Variants in SORCS1 observed in about 807,000 individuals in gnomAD.
SORCS1 encodes the protein VPS10 domain-containing receptor SorCS1.
Under a neutral mutation model 146.1 loss-of-function variants are expected in SORCS1, and 60 were observed. The ratio of observed to expected loss-of-function variants is 0.41; its 90% CI spans 0.33 to 0.51. The LOEUF is 0.51. Ranked by LOEUF, SORCS1 falls within the 20% of genes least tolerant of loss-of-function variation. SORCS1 has a pLI of 0.21. For synonymous variants in SORCS1, 637 were observed against 584.0 expected (o/e 1.09, Z -1.31); for missense variants, 1,352 against 1,487.6 (o/e 0.91, Z 1.50).
intron 1 of SORCS1, among the ~76,000 whole-genome samples, chr10:107,025,183 G>A (rs1958345298): frequency 1.3e-5 from 2 of 152,162 alleles, no homozygotes; most frequent in African/African-American, 4.8e-5. Context: ...AAAAAGTACT[G>A]AAAATGTTAA....
intron 5 of SORCS1, among the ~76,000 whole-genome samples, chr10:106,758,530 T>C (rs571516594): frequency 6.6e-6 from 1 of 152,322 alleles, no homozygotes; most frequent in South Asian, 2.1e-4. Flanking sequence ...CAACTCCATT[T>C]CCAGGATAAA....
At chr10:107,149,640 G>C (rs1257028981) in intron 1 of SORCS1, among the ~76,000 whole-genome samples, 4 of 152,210 alleles carry the variant, frequency 2.6e-5, no homozygotes, top group Non-Finnish European at 4.4e-5. Context: ...TTGATTGTGT[G>C]TGTTGGTTGG....
intron 4 of SORCS1, among the ~76,000 whole-genome samples, chr10:106,768,119 A>G (rs1237202722): frequency 6.6e-6 from 1 of 152,212 alleles, no homozygotes; most frequent in Non-Finnish European, 1.5e-5. Flanking sequence ...ATGGCATTTC[A>G]GCTTGAGAAT....
chr10:106,599,615 T>G (rs556650894), intron 23 of SORCS1, among the ~76,000 whole-genome samples: 2 of 151,886 alleles, frequency 1.3e-5, no homozygotes, highest in Admixed American at 1.3e-4. Context: ...AAAATATTTT[T>G]TATTCAAATA....
chr10:106,888,313 T>G (rs910088486), intron 2 of SORCS1, among the ~76,000 whole-genome samples: 1 of 152,194 alleles, frequency 6.6e-6, no homozygotes, highest in Non-Finnish European at 1.5e-5. Context: ...TGCTCAACAA[T>G]TGGAAGGTAT....
chr10:106,802,969 G>A (rs1007241019), intron 3 of SORCS1, among the ~76,000 whole-genome samples: 2 of 152,156 alleles, frequency 1.3e-5, no homozygotes, highest in Non-Finnish European at 2.9e-5. Context: ...TTAAAATGCT[G>A]GCTCAAGGCA....
chr10:106,900,693 G>A (rs1303478649), intron 2 of SORCS1, among the ~76,000 whole-genome samples: 3 of 152,062 alleles, frequency 2.0e-5, no homozygotes, highest in Non-Finnish European at 2.9e-5. Flanking sequence ...TTTATTTTCA[G>A]GGGTTGTCTT....
chr10:107,103,449 T>C (rs1289853870), intron 1 of SORCS1, among the ~76,000 whole-genome samples: 1 of 152,228 alleles, frequency 6.6e-6, no homozygotes, highest in Non-Finnish European at 1.5e-5. Context: ...AAAGCATGCC[T>C]CAGCTTTTCT....
At chr10:106,635,568 A>T (rs760080908) in intron 18 of SORCS1, among the ~76,000 whole-genome samples, 4 of 152,140 alleles carry the variant, frequency 2.6e-5, no homozygotes, top group Non-Finnish European at 5.9e-5. Flanking sequence ...GATTCAAAGA[A>T]AGGAGGAGTG....
upstream of SORCS1, among the ~76,000 whole-genome samples, chr10:107,165,322 T>TGTGTGTG (rs1970016923): frequency 6.6e-6 from 1 of 150,602 alleles, no homozygotes; most frequent in East Asian, 2.0e-4. This position sits in a 1 kb window ranked among gnomAD's most constrained non-coding sequence, Gnocchi z 4.0. Flanking sequence ...TGTGTGTGTG[T>TGTGTGTG]TAGTTTGGGG....
At chr10:107,104,585 A>G (rs1207131094) in intron 1 of SORCS1, among the ~76,000 whole-genome samples, 1 of 152,234 alleles carries the variant, frequency 6.6e-6, no homozygotes, top group Non-Finnish European at 1.5e-5. Flanking sequence ...AAAAGAAAAA[A>G]AAAGCATGTT....
intron 1 of SORCS1, among the ~76,000 whole-genome samples, chr10:107,090,422 T>C (rs979270623): frequency 6.6e-6 from 1 of 152,224 alleles, no homozygotes; most frequent in Non-Finnish European, 1.5e-5. Context: ...CAGAGGAGTT[T>C]GGACTTGTAA....
chr10:106,722,580 G>A (rs1041068719), intron 6 of SORCS1, among the ~76,000 whole-genome samples: 1 of 152,084 alleles, frequency 6.6e-6, no homozygotes, highest in Non-Finnish European at 1.5e-5. Context: ...GTTGTTCCCC[G>A]GTGAATGAGA....
At chr10:106,987,051 A>C (rs906098605) in intron 1 of SORCS1, among the ~76,000 whole-genome samples, 1 of 152,146 alleles carries the variant, frequency 6.6e-6, no homozygotes, top group African/African-American at 2.4e-5. Flanking sequence ...AACCTTACGG[A>C]TGATGTTGCA....
intron 1 of SORCS1, among the ~76,000 whole-genome samples, chr10:106,988,456 G>A (rs568544882): frequency 7.9e-5 from 12 of 152,256 alleles, no homozygotes; most frequent in East Asian, 5.8e-4. Flanking sequence ...TCAGTTGGAC[G>A]TCTTAGCGTC....
At chr10:106,788,192 C>A (rs1946147844) in intron 3 of SORCS1, among the ~76,000 whole-genome samples, 1 of 152,110 alleles carries the variant, frequency 6.6e-6, no homozygotes. Flanking sequence ...AGGGGAACCA[C>A]CCTCATGATC....
intron 2 of SORCS1, among the ~76,000 whole-genome samples, chr10:106,879,726 G>C (rs1950740331): frequency 6.6e-6 from 1 of 152,238 alleles, no homozygotes; most frequent in South Asian, 2.1e-4. Flanking sequence ...TGTGGGTGGT[G>C]TGAAGGAGCA....
In SORCS1 at chr10:106,717,158, G is replaced by C. The variant is rs1855433956; in HGVS notation, c.1025-7817C>G. On this transcript the variant is annotated intron_variant, in intron 6 of 25. Coordinates refer to ENST00000263054, the MANE Select transcript of SORCS1 (RefSeq NM_052918.5). Reference sequence around the variant, plus strand: ...TTCCACTTGGAAACAATTTAAATCAGCAATTTAAGCAATCTGTTTAAAAGC... The same window carrying C: ...TTCCACTTGGAAACAATTTAAATCACCAATTTAAGCAATCTGTTTAAAAGC... 1.7e-4 allele frequency among the ~76,000 whole-genome samples: 26 copies of C among 152,254 alleles called. No individual in the cohort carries two copies. In the South Asian group the frequency reaches 5.2e-3, roughly 30 times the overall value.
chr10:106,890,381 G>A, intron 2 of SORCS1, among the ~76,000 whole-genome samples: 1 of 152,012 alleles, frequency 6.6e-6, no homozygotes, highest in East Asian at 1.9e-4. Flanking sequence ...TGATAAGACT[G>A]CCATCAATTA....
Sources: gnomAD v4.1 joint callset for allele counts (sites outside exome capture counted in the v4.1 genomes callset) on GRCh38, gnomAD v4.1.1 for gene constraint, Gnocchi (gnomAD v3.1) non-coding constraint, MANE v1.5 for transcripts, NCBI Gene and HGNC (gene_info 2026-07-23, HGNC 2026-07-21) for gene names.